HSD11B2: variants seen among roughly 807,000 people sequenced by gnomAD.
HSD11B2 encodes the protein hydroxysteroid 11-beta dehydrogenase 2, also known as 11-beta-hydroxysteroid dehydrogenase type 2.
In HSD11B2, 17 loss-of-function variants were observed where a neutral mutation model predicts 20.9. That is an observed-to-expected ratio of 0.81 (90% CI 0.56 to 1.22). The LOEUF is 1.22. Ranked by LOEUF, HSD11B2 falls within the 50% of genes most tolerant of loss-of-function variation. The pLI is 0.00. For missense variants in HSD11B2, 480 were observed against 563.6 expected, an observed-to-expected ratio of 0.85 and a Z score of 1.50; for synonymous variants, 253 against 255.4, an observed-to-expected ratio of 0.99 and a Z score of 0.09.
chr16:67,430,143 G>A (rs1403989220), upstream of HSD11B2, among the ~76,000 whole-genome samples: 1 of 152,000 alleles, frequency 6.6e-6, no homozygotes, highest in Non-Finnish European at 1.5e-5. The surrounding 1 kb of genome is among the most constrained non-coding windows in gnomAD (Gnocchi z 5.4). Flanking sequence ...GGGGTGGGCA[G>A]GGTGGGGGGC....
chr16:67,435,431 C>T, intron 1 of HSD11B2, 197 bp from the exon 2 acceptor site: 1 of 673,572 alleles, frequency 1.5e-6, no homozygotes, highest in East Asian at 2.7e-5. Context: ...TGACAGCTGT[C>T]ACAGAGTTAC....
At position 67,437,188 on chromosome 16, in the gene HSD11B2, T is replaced by C; in HGVS notation, c.*185T>C. Reference sequence around the variant, plus strand: ...GCCCGGTGAGGCCAAGGTTTCCCAGTGAGCCTCTGCGCCTCTCCACTGTTT... The same window carrying C: ...GCCCGGTGAGGCCAAGGTTTCCCAGCGAGCCTCTGCGCCTCTCCACTGTTT... On this transcript the variant is annotated 3_prime_UTR_variant, in exon 5 of 5. Coordinates refer to ENST00000326152, the MANE Select transcript of HSD11B2 (RefSeq NM_000196.4). The C allele has an allele frequency of 4.7e-6, 3 of 644,592 alleles. No individual in the cohort carries two copies. The highest frequency in any genetic ancestry group is 8.0e-6 in the Non-Finnish European group (3 of 374,780). 39.9% of individuals were successfully genotyped at this position (644,592 alleles called of 1,614,324 possible).
At chr16:67,432,267 G>C (rs879487664) in intron 1 of HSD11B2, among the ~76,000 whole-genome samples, 5 of 152,082 alleles carry the variant, frequency 3.3e-5, no homozygotes, top group Non-Finnish European at 5.9e-5. Flanking sequence ...GAAGGGGGGG[G>C]GGGGCTGGAG....
chr16:67,433,687 T>TAC (rs759945497), intron 1 of HSD11B2, among the ~76,000 whole-genome samples: 12,088 of 133,780 alleles, frequency 0.09, 499 homozygotes, highest in Admixed American at 0.12. Flanking sequence ...TGTGTGTGTC[T>TAC]ACACACACAC....
At position 67,436,518 on chromosome 16, in the gene HSD11B2, G is replaced by T; in HGVS notation, c.803-70G>T. On this transcript the variant is annotated intron_variant, in intron 4 of 4. Coordinates refer to ENST00000326152, the MANE Select transcript of HSD11B2 (RefSeq NM_000196.4). This position sits in a 1 kb window ranked among gnomAD's most constrained non-coding sequence, Gnocchi z 5.7. Reference sequence around the variant, plus strand: ...TAGTTTTGGCTGCAGACCTGGCGCGGGTTAAACAGTCCTAATTGGCTTTGG... The same window carrying T: ...TAGTTTTGGCTGCAGACCTGGCGCGTGTTAAACAGTCCTAATTGGCTTTGG... The T allele has an allele frequency of 6.3e-7, 1 of 1,591,476 alleles. No homozygotes were observed. The highest frequency in any genetic ancestry group is 8.6e-7 in the Non-Finnish European group (1 of 1,166,280).
At position 67,435,044 on chromosome 16, in the gene HSD11B2, A is replaced by G. The variant is rs1467442677; in HGVS notation, c.266-584A>G. On this transcript the variant is annotated intron_variant, in intron 1 of 4. Transcript: ENST00000326152. ...ACTCCGTCTCAAACAAAAAAAAAAA[A>G]AAAGAAAAAACCAGCCAGGCGTGGT... Among the ~76,000 whole-genome samples, 3 of 151,484 alleles carry G rather than the reference A, an allele frequency of 2.0e-5. No homozygotes were observed. In the East Asian group the frequency reaches 5.8e-4, roughly 29 times the overall value.
intron 1 of HSD11B2, chr16:67,435,397 G>A: frequency 1.6e-6 from 1 of 632,376 alleles, no homozygotes; most frequent in Non-Finnish European, 2.9e-6. Flanking sequence ...ACATTAGTGG[G>A]GTAGCCACGG....
At chr16:67,434,887 C>A (rs188730238) in intron 1 of HSD11B2, among the ~76,000 whole-genome samples, 1 of 152,014 alleles carries the variant, frequency 6.6e-6, no homozygotes, top group South Asian at 2.1e-4. Flanking sequence ...CTTAGCCAGG[C>A]CTGTGGTGAT....
intron 1 of HSD11B2, 174 bp from the exon 2 acceptor site, chr16:67,435,454 A>G (rs928204108): frequency 1.4e-6 from 1 of 696,706 alleles, no homozygotes; most frequent in Non-Finnish European, 2.6e-6. Flanking sequence ...CCCAGGGCTC[A>G]GCTAGAGGGA....
rs111574644 is a variant in HSD11B2 at position 67,434,383 on chromosome 16, C to G, written c.266-1245C>G. Among the ~76,000 whole-genome samples, 1,008 of 152,262 alleles carry G rather than the reference C, an allele frequency of 6.6e-3. 6 individuals are homozygous for G. The highest frequency in any genetic ancestry group is 0.017 in the Middle Eastern group (5 of 294). On this transcript the variant is annotated intron_variant, in intron 1 of 4. Coordinates refer to ENST00000326152, the MANE Select transcript of HSD11B2 (RefSeq NM_000196.4). ...GAAGGGAGGTGGGGCTCATGTTGTA[C>G]AGGGCCTGAGCCAGGGAGCTTGGGC...
rs2040985383 is a variant in HSD11B2 at position 67,437,283 on chromosome 16, T to A, written c.*280T>A. ...TTGGAGAACTCCGCTGGATGGGGAGTCTCATGCAAGACTTCACTGCAGCCT... is the reference window on the plus strand; with the variant it reads ...TTGGAGAACTCCGCTGGATGGGGAGACTCATGCAAGACTTCACTGCAGCCT... On this transcript the variant is annotated 3_prime_UTR_variant, in exon 5 of 5. Transcript: ENST00000326152. The A allele has an allele frequency of 1.8e-6, 1 of 559,544 alleles. No individual in the cohort carries two copies. The highest frequency in any genetic ancestry group is 3.2e-5 in the Admixed American group (1 of 30,782). 34.7% of individuals were successfully genotyped at this position (559,544 alleles called of 1,614,324 possible).
At position 67,431,212 on chromosome 16, in the gene HSD11B2, GC is replaced by G. The variant is rs1419158079; in HGVS notation, c.-32del. 6 of 1,131,496 alleles carry G rather than the reference GC, an allele frequency of 5.3e-6. No individual in the cohort carries two copies. The highest frequency in any genetic ancestry group is 4.3e-5 in the East Asian group (1 of 23,210). 70.1% of individuals were successfully genotyped at this position (1,131,496 alleles called of 1,614,324 possible). ...CTCTCTCTCCCCGCTCCCCGGCCCG[GC>G]CCCCGCCCCGCCCCGCCCCAGCCCG... On this transcript the variant is annotated 5_prime_UTR_variant, in exon 1 of 5. Transcript: ENST00000326152.
At chr16:67,431,912 C>G (rs956130642) in intron 1 of HSD11B2, among the ~76,000 whole-genome samples, 2 of 152,166 alleles carry the variant, frequency 1.3e-5, no homozygotes, top group African/African-American at 4.8e-5. Flanking sequence ...ACATCCCCAC[C>G]TAAGATACCC....
intron 1 of HSD11B2, 118 bp downstream of exon 1, chr16:67,431,631 G>A (rs1173477920): frequency 2.8e-6 from 3 of 1,075,126 alleles, no homozygotes; most frequent in Non-Finnish European, 3.5e-6. Flanking sequence ...AAGAGTGGGA[G>A]AGTTCTCCAC....
Position 67,435,749 on chromosome 16 carries a change from C to T in HSD11B2, c.387C>T (p.Ser129=). ...PGAIELRTCC[S]PRLRLLQMDL... The stretch of plus-strand genomic sequence containing the variant: ...CCATCGAGCTGCGTACCTGCTGCTC[C>T]CCTCGCCTAAGGCTGCTGCAGATGG... Residue 129 remains serine (S), a synonymous_variant, in exon 2 of 5, where the codon TCC becomes TCT. Transcript: ENST00000326152. 6.2e-7 allele frequency: 1 copy of T among 1,614,096 alleles called. No individual in the cohort carries two copies. The highest frequency in any genetic ancestry group is 8.5e-7 in the Non-Finnish European group (1 of 1,180,024).
intron 1 of HSD11B2, chr16:67,433,281 A>G (rs1597561164): frequency 6.6e-6 from 1 of 152,058 alleles, no homozygotes; most frequent in Admixed American, 6.6e-5. Flanking sequence ...GTTCAGCCCC[A>G]CCTGCCAAGA....
In HSD11B2 at chr16:67,436,080, AGGGCCTCC is replaced by A; in HGVS notation, c.603_610del (p.Lys201AsnfsTer46). Reference sequence around the variant, plus strand: ...TTCTTTGGCGCGCTCGAGCTGACCAAGGGCCTCCTGCCCCTGCTGCGCAGCTCAAGGGG... The same window carrying A: ...TTCTTTGGCGCGCTCGAGCTGACCAATGCCCCTGCTGCGCAGCTCAAGGGG... On this transcript the variant is annotated frameshift_variant, in exon 3 of 5. Coordinates refer to ENST00000326152, the MANE Select transcript of HSD11B2 (RefSeq NM_000196.4). LOFTEE classifies it high-confidence loss of function. This position sits in a 1 kb window ranked among gnomAD's most constrained non-coding sequence, Gnocchi z 5.7. 6.2e-7 allele frequency: 1 copy of A among 1,614,146 alleles called. No homozygotes were observed. The highest frequency in any genetic ancestry group is 1.1e-5 in the South Asian group (1 of 91,088).
Position 67,431,182 on chromosome 16 carries a change from A to G in HSD11B2, c.-67A>G. 2.1e-6 allele frequency: 2 copies of G among 940,850 alleles called. No individual in the cohort carries two copies. Among genetic ancestry groups the G allele is most frequent in the East Asian group, 5.4e-5 (1 of 18,460 alleles). 58.3% of individuals were successfully genotyped at this position (940,850 alleles called of 1,614,324 possible). On this transcript the variant is annotated 5_prime_UTR_variant, in exon 1 of 5. Coordinates refer to ENST00000326152, the MANE Select transcript of HSD11B2 (RefSeq NM_000196.4). Reference sequence around the variant, plus strand: ...ACCCCCGCACTCCGCGCCCCGGCCTAGAAGCTCTCTCTCCCCGCTCCCCGG... The same window carrying G: ...ACCCCCGCACTCCGCGCCCCGGCCTGGAAGCTCTCTCTCCCCGCTCCCCGG...
chr16:67,431,554 AG>A, intron 1 of HSD11B2, 41 bp downstream of exon 1: 1 of 1,319,392 alleles, frequency 7.6e-7, no homozygotes, highest in Non-Finnish European at 9.7e-7. Context: ...TCCAGGCTCG[AG>A]GGCGGGACTG....
Sources: allele counts gnomAD v4.1 joint callset (sites outside exome capture counted in the v4.1 genomes callset), GRCh38; gene constraint gnomAD v4.1.1; non-coding constraint Gnocchi (gnomAD v3.1); transcripts MANE v1.5; gene names NCBI Gene and HGNC (gene_info 2026-07-23, HGNC 2026-07-21).